LRRTM4: variants seen among roughly 807,000 people sequenced by gnomAD.
The protein encoded by LRRTM4 is leucine rich repeat transmembrane neuronal 4, also known as leucine-rich repeat transmembrane neuronal protein 4.
A neutral mutation model predicts 47.6 loss-of-function variants in LRRTM4; 25 were observed. That is an observed-to-expected ratio of 0.53 (90% CI 0.38 to 0.73). LRRTM4 has a LOEUF of 0.73. LRRTM4 is among the 30% of genes least tolerant of loss of function. The probability of loss-of-function intolerance (pLI) is 0.00; values close to 1 mark genes in which losing one functional copy is unlikely to be tolerated. For missense variants in LRRTM4, 638 were observed against 713.4 expected (o/e 0.89, Z 1.20); for synonymous variants, 311 against 269.5 (o/e 1.15, Z -1.51).
At chr2:77,089,268 G>T (rs1315901446) in intron 3 of LRRTM4, among the ~76,000 whole-genome samples, 2 of 151,090 alleles carry the variant, frequency 1.3e-5, no homozygotes, top group Non-Finnish European at 1.5e-5. Context: ...CTGCTTTTCT[G>T]GGAGGGGGCA....
intron 3 of LRRTM4, among the ~76,000 whole-genome samples, chr2:76,829,632 G>C (rs1671278761): frequency 1.3e-5 from 2 of 151,880 alleles, no homozygotes; most frequent in South Asian, 4.1e-4. Flanking sequence ...AAATTACTCA[G>C]TGCATTTTTG....
intron 3 of LRRTM4, among the ~76,000 whole-genome samples, chr2:77,343,483 C>T (rs1350643710): frequency 6.6e-6 from 1 of 151,800 alleles, no homozygotes; most frequent in Non-Finnish European, 1.5e-5. Flanking sequence ...ATCTTGTATT[C>T]TGCATTGTAC....
intron 3 of LRRTM4, among the ~76,000 whole-genome samples, chr2:77,414,601 C>T (rs760307071): frequency 5.3e-5 from 8 of 152,186 alleles, no homozygotes; most frequent in Non-Finnish European, 7.3e-5. Flanking sequence ...AATTTGCCAT[C>T]AGTAACGGAT....
chr2:77,142,606 T>C (rs1385646843), intron 3 of LRRTM4, among the ~76,000 whole-genome samples: 1 of 152,116 alleles, frequency 6.6e-6, no homozygotes, highest in Non-Finnish European at 1.5e-5. Flanking sequence ...TTATCCCCCA[T>C]AAATATGCAA....
chr2:76,759,398 G>C (rs1216659100), intron 3 of LRRTM4, among the ~76,000 whole-genome samples: 1 of 152,066 alleles, frequency 6.6e-6, no homozygotes, highest in Non-Finnish European at 1.5e-5. Flanking sequence ...CCTTCAGTTG[G>C]GAGTGCTGAA....
intron 3 of LRRTM4, among the ~76,000 whole-genome samples, chr2:76,841,840 TA>T (rs1671693405): frequency 6.6e-6 from 1 of 152,094 alleles, no homozygotes; most frequent in Non-Finnish European, 1.5e-5. Flanking sequence ...AAAGATTTTT[TA>T]AAAAGAGGTA....
intron 3 of LRRTM4, among the ~76,000 whole-genome samples, chr2:76,858,505 T>G (rs947852085): frequency 3.3e-5 from 5 of 151,810 alleles, no homozygotes; most frequent in Admixed American, 1.3e-4. Context: ...CGGGGAGGAG[T>G]GGGGCTATAT....
intron 3 of LRRTM4, among the ~76,000 whole-genome samples, chr2:77,347,711 A>C (rs1671619961): frequency 6.6e-6 from 1 of 152,034 alleles, no homozygotes; most frequent in Non-Finnish European, 1.5e-5. Flanking sequence ...ACATAAAATT[A>C]CTCTGTTAAA....
intron 3 of LRRTM4, among the ~76,000 whole-genome samples, chr2:76,991,098 C>A (rs186004585): frequency 6.6e-6 from 1 of 151,444 alleles, no homozygotes; most frequent in Non-Finnish European, 1.5e-5. Context: ...TTGAAATAAA[C>A]GAAAACAGAG....
At chr2:77,388,040 G>T (rs1673353563) in intron 3 of LRRTM4, among the ~76,000 whole-genome samples, 1 of 151,944 alleles carries the variant, frequency 6.6e-6, no homozygotes, top group Non-Finnish European at 1.5e-5. Flanking sequence ...TCATGGTGTG[G>T]ACTAGAGGAA....
chr2:77,236,449 TA>T (rs1196832179), intron 3 of LRRTM4, among the ~76,000 whole-genome samples: 1 of 152,016 alleles, frequency 6.6e-6, no homozygotes, highest in Non-Finnish European at 1.5e-5. Context: ...TACAGAATCA[TA>T]TTTTTTTTTT....
At chr2:77,325,648 G>T (rs1224681632) in intron 3 of LRRTM4, among the ~76,000 whole-genome samples, 1 of 152,032 alleles carries the variant, frequency 6.6e-6, no homozygotes, top group Non-Finnish European at 1.5e-5. Flanking sequence ...TTGAGTGTGG[G>T]AACTTTACCC....
intron 3 of LRRTM4, among the ~76,000 whole-genome samples, chr2:77,062,410 C>A (rs1679815819): frequency 6.6e-6 from 1 of 152,148 alleles, no homozygotes; most frequent in Admixed American, 6.5e-5. Context: ...GATAAAACTC[C>A]AGAGTTGAGG....
chr2:76,807,052 G>A (rs527282221), intron 3 of LRRTM4, among the ~76,000 whole-genome samples: 3 of 152,194 alleles, frequency 2.0e-5, no homozygotes, highest in East Asian at 1.9e-4. Flanking sequence ...TAGGCGAAGT[G>A]TGATCAAATA....
chr2:77,476,863 T>C (rs910580477), intron 3 of LRRTM4, among the ~76,000 whole-genome samples: 5 of 152,166 alleles, frequency 3.3e-5, no homozygotes, highest in Non-Finnish European at 7.4e-5. Context: ...ATTAATTCTC[T>C]TTATTTTTCC....
chr2:77,415,781 C>T (rs1674613556), intron 3 of LRRTM4, among the ~76,000 whole-genome samples: 1 of 152,086 alleles, frequency 6.6e-6, no homozygotes, highest in Non-Finnish European at 1.5e-5. Flanking sequence ...CTGTACTCAA[C>T]TGGGCTTAAT....
chr2:77,374,438 GTTT>G (rs1553436068), intron 3 of LRRTM4, among the ~76,000 whole-genome samples: 1 of 151,694 alleles, frequency 6.6e-6, no homozygotes, highest in Non-Finnish European at 1.5e-5. Context: ...GACAGATATT[GTTT>G]TCACAGACAA....
At chr2:77,174,415 G>T (rs377206129) in intron 3 of LRRTM4, among the ~76,000 whole-genome samples, 1 of 152,152 alleles carries the variant, frequency 6.6e-6, no homozygotes, top group Non-Finnish European at 1.5e-5. Context: ...TGTAGCATAG[G>T]CTTTGAGACA....
intron 3 of LRRTM4, among the ~76,000 whole-genome samples, chr2:76,848,153 T>C (rs1671891547): frequency 1.3e-5 from 2 of 152,094 alleles, no homozygotes; most frequent in African/African-American, 4.8e-5. Flanking sequence ...AGAAAACAAC[T>C]TCTTTCCCCA....
Sources: gnomAD v4.1 joint callset for allele counts (sites outside exome capture counted in the v4.1 genomes callset) on GRCh38, gnomAD v4.1.1 for gene constraint, MANE v1.5 for transcripts, NCBI Gene and HGNC (gene_info 2026-07-23, HGNC 2026-07-21) for gene names.